The following PTPRC variants were observed in gnomAD, a reference collection of about 807,000 sequenced individuals.
PTPRC encodes protein tyrosine phosphatase receptor type C, also known as receptor-type tyrosine-protein phosphatase C.
A neutral mutation model predicts 155.9 loss-of-function variants in PTPRC; 44 were observed. The ratio of observed to expected loss-of-function variants is 0.28; its 90% CI spans 0.22 to 0.36. The LOEUF is 0.36. Among genes scored for constraint, PTPRC ranks in the 10% least tolerant of loss-of-function variants. The pLI is 1.00. For missense variants in PTPRC, 1,401 were observed against 1,564.6 expected (o/e 0.90, Z 1.76); for synonymous variants, 525 against 533.1 (o/e 0.98, Z 0.21).
intron 14 of PTPRC, among the ~76,000 whole-genome samples, chr1:198,722,049 G>A (rs1653914983): frequency 6.6e-6 from 1 of 151,080 alleles, no homozygotes; most frequent in Admixed American, 6.6e-5. Context: ...ACAGCTTATG[G>A]TTGAATTTCC....
intron 2 of PTPRC, among the ~76,000 whole-genome samples, chr1:198,655,374 C>CA (rs1399916018): frequency 6.6e-6 from 1 of 151,926 alleles, no homozygotes; most frequent in Admixed American, 6.6e-5. Context: ...ATCTATTTTA[C>CA]AAAAAAGAAA....
At chr1:198,719,095 A>G (rs574210664) in intron 14 of PTPRC, among the ~76,000 whole-genome samples, 2 of 152,260 alleles carry the variant, frequency 1.3e-5, no homozygotes, top group African/African-American at 4.8e-5. Flanking sequence ...ATAAATTCCT[A>G]AAAATGCATT....
chr1:198,668,416 A>C (rs1664444559), intron 2 of PTPRC, among the ~76,000 whole-genome samples: 2 of 152,212 alleles, frequency 1.3e-5, no homozygotes, highest in Non-Finnish European at 1.5e-5. Flanking sequence ...AAGACAATAC[A>C]GGAGTTAGAT....
chr1:198,739,446 G>A (rs1044091264), intron 23 of PTPRC, among the ~76,000 whole-genome samples: 1 of 151,500 alleles, frequency 6.6e-6, no homozygotes, highest in Non-Finnish European at 1.5e-5. Context: ...TATAACACAG[G>A]TATATTTCAA....
At chr1:198,650,218 C>G (rs1663170977) in intron 2 of PTPRC, among the ~76,000 whole-genome samples, 1 of 151,808 alleles carries the variant, frequency 6.6e-6, no homozygotes, top group Non-Finnish European at 1.5e-5. Flanking sequence ...ATGGAAAGAG[C>G]TTGAATTTTA....
intron 8 of PTPRC, among the ~76,000 whole-genome samples, chr1:198,705,859 A>C (rs944149430): frequency 6.6e-6 from 1 of 152,144 alleles, no homozygotes; most frequent in Non-Finnish European, 1.5e-5. Context: ...CATATTTTAA[A>C]ACACAAACTA....
chr1:198,718,199 A>T lies in PTPRC; in HGVS notation c.1556A>T (p.His519Leu). The T allele has an allele frequency of 6.2e-7, 1 of 1,614,098 alleles. No individual in the cohort carries two copies. Residue 519 changes from histidine to leucine, a missense_variant, in exon 14 of 33, where the codon CAT becomes CTT. By Grantham distance (99) the His-to-Leu change is moderately conservative. Coordinates refer to ENST00000442510, the MANE Select transcript of PTPRC (RefSeq NM_002838.5). ...RDRNGPHERY[H>L]LEVEAGNTLV... ...CGTAATGGCCCCCATGAACGTTACC[A>T]TTTGGAAGTTGAAGCTGGAAATACT... is the stretch of plus-strand genomic sequence containing the variant.
At chr1:198,642,059 C>G (rs1015666637) in intron 2 of PTPRC, among the ~76,000 whole-genome samples, 6 of 151,956 alleles carry the variant, frequency 3.9e-5, no homozygotes, top group African/African-American at 1.2e-4. Flanking sequence ...TAAAAACCTG[C>G]CTGTGACCTT....
intron 24 of PTPRC, 69 bp downstream of exon 24, chr1:198,742,095 T>C: frequency 3.1e-6 from 5 of 1,603,132 alleles, no homozygotes; most frequent in Non-Finnish European, 2.6e-6. Context: ...TGCCTAGGGC[T>C]GTTAGAGACA....
intron 17 of PTPRC, among the ~76,000 whole-genome samples, chr1:198,729,670 C>T (rs1342181000): frequency 6.6e-6 from 1 of 152,166 alleles, no homozygotes; most frequent in African/African-American, 2.4e-5. Flanking sequence ...AAGCATTGTG[C>T]CAGGTACTGA....
chr1:198,695,165 T>A (rs572257217), intron 3 of PTPRC: 1 of 885,396 alleles, frequency 1.1e-6, no homozygotes, highest in Non-Finnish European at 1.4e-6. Flanking sequence ...GCTGGGTTTT[T>A]TATTTATCAT....
At chr1:198,743,283 C>T (rs972772898) in intron 25 of PTPRC, among the ~76,000 whole-genome samples, 4 of 150,944 alleles carry the variant, frequency 2.6e-5, no homozygotes, top group Non-Finnish European at 3.0e-5. Context: ...AGCTGCCATA[C>T]GAAACATTCA....
intron 12 of PTPRC, among the ~76,000 whole-genome samples, chr1:198,716,033 G>A (rs1653570414): frequency 6.6e-6 from 1 of 152,104 alleles, no homozygotes; most frequent in Non-Finnish European, 1.5e-5. Context: ...GTCCTGATCA[G>A]GTTTGTCACT....
chr1:198,690,626 C>A (rs193135952), intron 2 of PTPRC, among the ~76,000 whole-genome samples: 3 of 151,924 alleles, frequency 2.0e-5, no homozygotes, highest in Admixed American at 2.0e-4. Flanking sequence ...TTGAAGAATA[C>A]GGGGTGATGC....
intron 2 of PTPRC, among the ~76,000 whole-genome samples, chr1:198,678,856 A>T (rs1477625602): frequency 6.7e-6 from 1 of 149,524 alleles, no homozygotes; most frequent in African/African-American, 2.5e-5. Flanking sequence ...TAAACTCTGG[A>T]TTGCTATTTT....
chr1:198,718,749 A>C (rs757948226), intron 14 of PTPRC, among the ~76,000 whole-genome samples: 5 of 152,054 alleles, frequency 3.3e-5, no homozygotes, highest in Non-Finnish European at 7.4e-5. Flanking sequence ...AATTTAAAAC[A>C]CTCATTATCT....
chr1:198,668,328 G>GC (rs1664441561), intron 2 of PTPRC, among the ~76,000 whole-genome samples: 1 of 152,058 alleles, frequency 6.6e-6, no homozygotes, highest in African/African-American at 2.4e-5. Flanking sequence ...ATGCCACCAT[G>GC]CCCAGCTAAG....
Position 198,718,103 on chromosome 1 carries a change from A to G in PTPRC, c.1460A>G (p.Gln487Arg). The G allele has an allele frequency of 1.2e-6, 2 of 1,611,946 alleles. No individual in the cohort carries two copies. Among genetic ancestry groups the G allele is most frequent in the South Asian group, 2.2e-5 (2 of 91,044 alleles). Residue 487 changes from glutamine to arginine, a missense_variant, in exon 14 of 33, where the codon CAG becomes CGG. This residue lies in a region of PTPRC where 867 missense variants were observed against 970.4 expected (regional missense o/e 0.89). Coordinates refer to ENST00000442510, the MANE Select transcript of PTPRC (RefSeq NM_002838.5). The stretch of plus-strand genomic sequence containing the variant: ...TTCTTCATTTTGATAGCTCCAAGCC[A>G]GGTCTGGAACATGACTGTCTCCATG... ...HFTTKSAPPSQVWNMTVSMTS... is the reference protein window; with the variant it reads ...HFTTKSAPPSRVWNMTVSMTS...
In PTPRC at chr1:198,750,532, C is replaced by T; in HGVS notation, c.3113C>T (p.Pro1038Leu). 1 of 1,612,412 alleles carries T rather than the reference C, an allele frequency of 6.2e-7. No homozygotes were observed. The highest frequency in any genetic ancestry group is 8.5e-7 in the Non-Finnish European group (1 of 1,178,862). Residue 1038 changes from proline to leucine, a missense_variant, in exon 29 of 33, where the codon CCA becomes CTA. This residue lies in a region of PTPRC where 400 missense variants were observed against 389.5 expected (regional missense o/e 1.03). Coordinates refer to ENST00000442510, the MANE Select transcript of PTPRC (RefSeq NM_002838.5). ...GAAGTGATGATTGCTGCTCAGGGAC[C>T]ACTGAAGGAGACCATTGGTGACTTT... Reference protein sequence around the residue: ...KPEVMIAAQGPLKETIGDFWQ... With the variant: ...KPEVMIAAQGLLKETIGDFWQ...
Sources: gnomAD v4.1 joint callset for allele counts (sites outside exome capture counted in the v4.1 genomes callset) on GRCh38, gnomAD v4.1.1 for gene constraint, gnomAD v4.1.1 regional missense constraint, MANE v1.5 for transcripts, NCBI Gene and HGNC (gene_info 2026-07-23, HGNC 2026-07-21) for gene names.